The following CMKLR1 variants were observed in gnomAD, a reference collection of about 807,000 sequenced individuals.
CMKLR1 encodes the protein chemerin chemokine-like receptor 1, also known as chemerin-like receptor 1.
CMKLR1 carries 6 observed loss-of-function variants against 8.2 expected under a neutral mutation model. The observed-to-expected ratio is 0.73, with a 90% CI of 0.40 to 1.44. The LOEUF (loss-of-function observed/expected upper bound fraction) is 1.44. CMKLR1 is among the 40% of genes most tolerant of loss of function. CMKLR1 has a pLI of 0.02. For missense variants in CMKLR1, 429 were observed against 478.0 expected, an observed-to-expected ratio of 0.90 and a Z score of 0.96; for synonymous variants, 178 against 181.2, an observed-to-expected ratio of 0.98 and a Z score of 0.14.
chr12:108,338,538 T>C (rs1221120923), intron 1 of CMKLR1, among the ~76,000 whole-genome samples: 2 of 152,280 alleles, frequency 1.3e-5, no homozygotes, highest in East Asian at 3.9e-4. Context: ...CCTTCCAGGG[T>C]GCAGTGTGAC....
intron 2 of CMKLR1, among the ~76,000 whole-genome samples, chr12:108,323,702 T>C (rs1891913981): frequency 6.6e-6 from 1 of 151,918 alleles, no homozygotes; most frequent in Non-Finnish European, 1.5e-5. Flanking sequence ...GGACTTGGGG[T>C]GCAGTCCCTG....
intron 2 of CMKLR1, among the ~76,000 whole-genome samples, chr12:108,303,142 G>A (rs764029407): frequency 2.0e-5 from 3 of 152,196 alleles, no homozygotes; most frequent in South Asian, 4.1e-4. Context: ...CGTTTTCCCC[G>A]TTAGGCGGGA....
At chr12:108,311,924 T>A (rs1891590102) in intron 2 of CMKLR1, among the ~76,000 whole-genome samples, 1 of 152,224 alleles carries the variant, frequency 6.6e-6, no homozygotes, top group African/African-American at 2.4e-5. Context: ...ACCCCGAGCA[T>A]GGTTCAAAGC....
chr12:108,326,749 G>A (rs1294249070), intron 2 of CMKLR1, among the ~76,000 whole-genome samples: 3 of 152,140 alleles, frequency 2.0e-5, no homozygotes, highest in Non-Finnish European at 4.4e-5. Context: ...TAAGGGGCTG[G>A]GGGCTAGAGC....
chr12:108,316,246 G>A (rs1320836472), intron 2 of CMKLR1, among the ~76,000 whole-genome samples: 2 of 152,176 alleles, frequency 1.3e-5, no homozygotes, highest in Non-Finnish European at 2.9e-5. Context: ...CAGCTCTAGG[G>A]AATTTGAGGG....
Position 108,289,340 on chromosome 12 carries a change from C to T in CMKLR1, c.*2501G>A, listed in dbSNP as rs147240798. 16 of 152,350 alleles carry T rather than the reference C, an allele frequency of 1.1e-4. No individual in the cohort carries two copies. The East Asian group carries it at 3.1e-3, about 29-fold the overall frequency. 9.4% of individuals were successfully genotyped at this position (152,350 alleles called of 1,614,324 possible). Reference sequence around the variant, plus strand: ...TATATGCATGACCCATGGAGATGTTCACATGAAGCTGTGGGGACAAGACTG... The same window carrying T: ...TATATGCATGACCCATGGAGATGTTTACATGAAGCTGTGGGGACAAGACTG... On this transcript the variant is annotated 3_prime_UTR_variant, in exon 4 of 4. Transcript: ENST00000550402.
intron 2 of CMKLR1, among the ~76,000 whole-genome samples, chr12:108,304,185 G>T (rs769488423): frequency 5.9e-5 from 9 of 152,164 alleles, no homozygotes; most frequent in Non-Finnish European, 1.0e-4. Flanking sequence ...GTCTCCATGG[G>T]TCGACTTGGC....
Position 108,292,804 on chromosome 12 carries a change from G to C in CMKLR1, c.159C>G (p.Leu53=). 9 of 1,614,120 alleles carry C rather than the reference G, an allele frequency of 5.6e-6. No homozygotes were observed. The highest frequency in any genetic ancestry group is 7.6e-6 in the Non-Finnish European group (9 of 1,180,028). ...TCACCAGACCATTGCCCAGAATCCC[G>C]AGGAAGCAGACGATGCTGTAGACCA... ...LVVVYSIVCF[L]GILGNGLVII... is the part of the protein sequence containing the mutation. Residue 53 remains leucine, a synonymous_variant, in exon 4 of 4, where the codon CTC becomes CTG. Transcript: ENST00000550402.
Position 108,289,896 on chromosome 12 carries a change from T to C in CMKLR1, c.*1945A>G, listed in dbSNP as rs1450592943. The C allele has an allele frequency of 6.6e-6, 1 of 152,276 alleles. No homozygotes were observed. The highest frequency in any genetic ancestry group is 1.5e-5 in the Non-Finnish European group (1 of 68,064). 9.4% of individuals were successfully genotyped at this position (152,276 alleles called of 1,614,324 possible). A position where few individuals can be genotyped will look rare whatever the true frequency, so the allele number is the denominator to read the frequency against. Reference sequence around the variant, plus strand: ...AACTCGCCCAGCGCGGGGTAGACATTGCATCTGTTCATTGCATCTTGTTGG... The same window carrying C: ...AACTCGCCCAGCGCGGGGTAGACATCGCATCTGTTCATTGCATCTTGTTGG... On this transcript the variant is annotated 3_prime_UTR_variant, in exon 4 of 4. Coordinates refer to ENST00000550402, the MANE Select transcript of CMKLR1 (RefSeq NM_001142343.2).
At chr12:108,295,457 A>G (rs1485776212) in intron 2 of CMKLR1, among the ~76,000 whole-genome samples, 1 of 152,260 alleles carries the variant, frequency 6.6e-6, no homozygotes. Flanking sequence ...TGCAGGCACC[A>G]GGGATGAGGA....
At chr12:108,302,937 G>T (rs1254464471) in intron 2 of CMKLR1, among the ~76,000 whole-genome samples, 1 of 152,100 alleles carries the variant, frequency 6.6e-6, no homozygotes, top group Non-Finnish European at 1.5e-5. Flanking sequence ...GTGGAGGGAT[G>T]GAGGGGTATA....
Position 108,328,035 on chromosome 12 carries a change from C to T in CMKLR1, c.-74+1960G>A, listed in dbSNP as rs575114919. 3.9e-5 allele frequency among the ~76,000 whole-genome samples: 6 copies of T among 152,292 alleles called. No homozygotes were observed. The South Asian group carries it at 8.3e-4, about 21-fold the overall frequency. ...CACAGGCTGCTCACAGCAGTTCTCTCCCCTCCCCAGAGTCGTGTTTATGAT... is the reference window on the plus strand; with the variant it reads ...CACAGGCTGCTCACAGCAGTTCTCTTCCCTCCCCAGAGTCGTGTTTATGAT... On this transcript the variant is annotated intron_variant, in intron 2 of 3. Transcript: ENST00000550402.
At position 108,329,979 on chromosome 12, in the gene CMKLR1, C is replaced by T. The variant is rs1361348414; in HGVS notation, c.-74+16G>A. On this transcript the variant is annotated intron_variant, in intron 2 of 3. Coordinates refer to ENST00000550402, the MANE Select transcript of CMKLR1 (RefSeq NM_001142343.2). Reference sequence around the variant, plus strand: ...TAAAGATAGACTCTAACATCCCACCCTGCCCCAATACTCACATGTCACGCC... The same window carrying T: ...TAAAGATAGACTCTAACATCCCACCTTGCCCCAATACTCACATGTCACGCC... 1.3e-5 allele frequency: 2 copies of T among 152,292 alleles called. No individual in the cohort carries two copies. Among genetic ancestry groups the T allele is most frequent in the East Asian group, 3.9e-4 (2 of 5,188 alleles). 9.4% of individuals were successfully genotyped at this position (152,292 alleles called of 1,614,324 possible). A position where few individuals can be genotyped will look rare whatever the true frequency, so the allele number is the denominator to read the frequency against.
chr12:108,292,577 A>G lies in CMKLR1; in HGVS notation c.386T>C (p.Leu129Pro). 1 of 1,614,204 alleles carries G rather than the reference A, an allele frequency of 6.2e-7. No homozygotes were observed. Among genetic ancestry groups the G allele is most frequent in the Non-Finnish European group, 8.5e-7 (1 of 1,180,036 alleles). Residue 129 changes from leucine to proline, a missense_variant, in exon 4 of 4, where the codon CTG (leucine) becomes CCG (proline). Transcript: ENST00000550402. Reference protein sequence around the residue: ...LIHNMFTSVFLLTIISSDRCI... With the variant: ...LIHNMFTSVFPLTIISSDRCI... ...GCGGTCAGAGCTGATGATGGTCAGCAGGAAGACGCTGGTGAACATGTTGTG... is the reference window on the plus strand; with the variant it reads ...GCGGTCAGAGCTGATGATGGTCAGCGGGAAGACGCTGGTGAACATGTTGTG...
At chr12:108,309,850 C>T (rs1055473057) in intron 2 of CMKLR1, among the ~76,000 whole-genome samples, 5 of 152,164 alleles carry the variant, frequency 3.3e-5, no homozygotes, top group African/African-American at 1.2e-4. Flanking sequence ...TAAGTGCAAT[C>T]CAGTGAGAGA....
Position 108,290,432 on chromosome 12 carries a change from G to A in CMKLR1, c.*1409C>T, listed in dbSNP as rs1890932771. Reference sequence around the variant, plus strand: ...GTAATGATTAAATGAGAAAACATATGTAAAGTGCATAATATAAAAAGTGCT... The same window carrying A: ...GTAATGATTAAATGAGAAAACATATATAAAGTGCATAATATAAAAAGTGCT... On this transcript the variant is annotated 3_prime_UTR_variant, in exon 4 of 4. Transcript: ENST00000550402. The A allele has an allele frequency of 6.6e-6, 1 of 152,144 alleles. No homozygotes were observed. 9.4% of individuals were successfully genotyped at this position (152,144 alleles called of 1,614,324 possible).
chr12:108,333,611 C>A (rs529543456), intron 1 of CMKLR1, among the ~76,000 whole-genome samples: 27 of 152,300 alleles, frequency 1.8e-4, no homozygotes, highest in African/African-American at 6.0e-4. Context: ...CCCTGACAGG[C>A]AGGTACTCAT....
At chr12:108,309,608 T>C (rs1748607887) in intron 2 of CMKLR1, among the ~76,000 whole-genome samples, 1 of 151,742 alleles carries the variant, frequency 6.6e-6, no homozygotes, top group Non-Finnish European at 1.5e-5. Context: ...GGGAGTAAGA[T>C]GGCCCAGTCA....
At chr12:108,294,120 T>C (rs919616443) in intron 2 of CMKLR1, among the ~76,000 whole-genome samples, 1 of 152,224 alleles carries the variant, frequency 6.6e-6, no homozygotes, top group Non-Finnish European at 1.5e-5. Flanking sequence ...CAAGAACTTT[T>C]ATTCTTTCTT....
Sources: allele counts gnomAD v4.1 joint callset (sites outside exome capture counted in the v4.1 genomes callset), GRCh38; gene constraint gnomAD v4.1.1; transcripts MANE v1.5; gene names NCBI Gene and HGNC (gene_info 2026-07-23, HGNC 2026-07-21).